The following LINGO2 variants were observed in gnomAD, a reference collection of about 807,000 sequenced individuals.
LINGO2 encodes leucine-rich repeat and immunoglobulin-like domain-containing nogo receptor-interacting protein 2.
Under a neutral mutation model 30.6 loss-of-function variants are expected in LINGO2, and 14 were observed. That is an observed-to-expected ratio of 0.46 (90% CI 0.30 to 0.72). The LOEUF is 0.72. LINGO2 is among the 30% of genes least tolerant of loss of function. The pLI, the probability that LINGO2 is intolerant of heterozygous loss-of-function variation, is 0.07. For synonymous variants in LINGO2, 317 were observed against 288.5 expected (o/e 1.10, Z -1.00); for missense variants, 729 against 751.7 (o/e 0.97, Z 0.35).
chr9:28,533,337 G>A (rs2135435324), intron 1 of LINGO2, among the ~76,000 whole-genome samples: 1 of 152,148 alleles, frequency 6.6e-6, no homozygotes, highest in Middle Eastern at 3.4e-3. Context: ...TGAAGTTTGG[G>A]GACTCAGACG....
At chr9:29,135,332 A>G in the LINGO2 span, among the ~76,000 whole-genome samples, 37,005 of 151,812 alleles carry the variant, frequency 0.24, 4,685 homozygotes, top group East Asian at 0.44. Flanking sequence ...GGCCAAAGCG[A>G]GCAGATCATT....
At chr9:28,662,891 G>A (rs550756040) in intron 1 of LINGO2, among the ~76,000 whole-genome samples, 4 of 152,234 alleles carry the variant, frequency 2.6e-5, no homozygotes, top group Admixed American at 6.5e-5. Flanking sequence ...AACATTGTGA[G>A]TAAGCAAAAA....
the LINGO2 span, among the ~76,000 whole-genome samples, chr9:28,958,083 C>G: frequency 6.6e-6 from 1 of 152,236 alleles, no homozygotes; most frequent in African/African-American, 2.4e-5. Context: ...TAATGATGCT[C>G]CTTCATTGCT....
At chr9:28,501,680 C>T (rs999330149) in intron 1 of LINGO2, among the ~76,000 whole-genome samples, 2 of 151,950 alleles carry the variant, frequency 1.3e-5, no homozygotes, top group Middle Eastern at 3.2e-3. Flanking sequence ...AGAGGCATAC[C>T]TAAGAAACAC....
At chr9:28,435,722 TC>T (rs1452451741) in intron 2 of LINGO2, among the ~76,000 whole-genome samples, 1 of 152,202 alleles carries the variant, frequency 6.6e-6, no homozygotes, top group Non-Finnish European at 1.5e-5. Flanking sequence ...AGTAGCTCTC[TC>T]CTTGGAGAAT....
intron 4 of LINGO2, among the ~76,000 whole-genome samples, chr9:28,055,962 G>C (rs144902652): frequency 2.6e-5 from 4 of 152,228 alleles, no homozygotes; most frequent in East Asian, 3.9e-4. Flanking sequence ...CATTACAACA[G>C]TTACTATTGT....
At chr9:28,902,414 G>GA in the LINGO2 span, among the ~76,000 whole-genome samples, 1 of 152,042 alleles carries the variant, frequency 6.6e-6, no homozygotes, top group Non-Finnish European at 1.5e-5. Context: ...CTGTGAGGGG[G>GA]AGATAGAATT....
At chr9:28,219,879 C>T (rs2133891617) in intron 4 of LINGO2, among the ~76,000 whole-genome samples, 2 of 152,252 alleles carry the variant, frequency 1.3e-5, no homozygotes, top group East Asian at 3.9e-4. Flanking sequence ...TAAGTATGGT[C>T]AGTCTGCTGT....
chr9:28,223,386 A>G (rs1452936605), intron 4 of LINGO2, among the ~76,000 whole-genome samples: 1 of 152,152 alleles, frequency 6.6e-6, no homozygotes, highest in Non-Finnish European at 1.5e-5. Context: ...CACTGTGTGA[A>G]GCCTCTTTTA....
intron 4 of LINGO2, among the ~76,000 whole-genome samples, chr9:28,118,762 C>T (rs1231522271): frequency 6.6e-6 from 1 of 152,114 alleles, no homozygotes; most frequent in South Asian, 2.1e-4. Flanking sequence ...TTTGCTAATA[C>T]ATATTATCTT....
At chr9:27,940,932 A>G in the LINGO2 span, 3 of 152,156 alleles carry the variant, frequency 2.0e-5, no homozygotes, top group Non-Finnish European at 4.4e-5. Context: ...TTACTGGACA[A>G]GCTAACTCCT....
the LINGO2 span, chr9:28,863,830 C>G: frequency 1.2e-5 from 3 of 244,384 alleles, no homozygotes; most frequent in East Asian, 9.8e-5. Flanking sequence ...TTTGCACCAC[C>G]CTCTTTTAGC....
At chr9:28,497,955 G>A (rs904227901) in intron 1 of LINGO2, among the ~76,000 whole-genome samples, 22 of 152,282 alleles carry the variant, frequency 1.4e-4, no homozygotes, top group Admixed American at 2.6e-4. Context: ...TATCAGCAGC[G>A]GAGGCTGCAG....
intron 4 of LINGO2, among the ~76,000 whole-genome samples, chr9:28,202,385 C>T (rs944260367): frequency 5.3e-5 from 8 of 152,050 alleles, no homozygotes; most frequent in African/African-American, 1.9e-4. Flanking sequence ...TGCAGAGGGC[C>T]ATCAGCTATC....
intron 5 of LINGO2, among the ~76,000 whole-genome samples, chr9:27,978,430 G>C (rs1304666822): frequency 6.6e-6 from 1 of 152,038 alleles, no homozygotes; most frequent in Non-Finnish European, 1.5e-5. Flanking sequence ...GAACCTTCGA[G>C]AAGTGTTTAG....
At chr9:28,239,944 T>C (rs944265084) in intron 4 of LINGO2, among the ~76,000 whole-genome samples, 8 of 152,140 alleles carry the variant, frequency 5.3e-5, no homozygotes, top group Non-Finnish European at 1.2e-4. Flanking sequence ...AGTTGCAGGA[T>C]ACAAAATCGT....
chr9:28,583,072 T>C (rs1824341685), intron 1 of LINGO2, among the ~76,000 whole-genome samples: 1 of 152,010 alleles, frequency 6.6e-6, no homozygotes, highest in African/African-American at 2.4e-5. Flanking sequence ...CAGGGTACAA[T>C]TGTTCAGTCA....
At chr9:28,002,471 A>C (rs1346983930) in intron 5 of LINGO2, among the ~76,000 whole-genome samples, 1 of 152,126 alleles carries the variant, frequency 6.6e-6, no homozygotes, top group Admixed American at 6.5e-5. Context: ...AAAAATTCTC[A>C]TTTCTATAAC....
chr9:27,958,630 C>T (rs1343094400), intron 5 of LINGO2, among the ~76,000 whole-genome samples: 1 of 151,950 alleles, frequency 6.6e-6, no homozygotes, highest in Admixed American at 6.6e-5. Context: ...TTTTTAAAAT[C>T]TTGTATTGTG....
Sources: gnomAD v4.1 joint callset for allele counts (sites outside exome capture counted in the v4.1 genomes callset) on GRCh38, gnomAD v4.1.1 for gene constraint, MANE v1.5 for transcripts, NCBI Gene and HGNC (gene_info 2026-07-23, HGNC 2026-07-21) for gene names.